Variants in RPS6KC1 observed in about 807,000 individuals in gnomAD.
RPS6KC1 encodes inactive ribosomal protein S6 kinase delta-1.
In RPS6KC1, 54 loss-of-function variants were observed where a neutral mutation model predicts 103.8. The ratio of observed to expected loss-of-function variants is 0.52; its 90% CI spans 0.42 to 0.65. The LOEUF is 0.65. RPS6KC1 is among the 30% of genes least tolerant of loss of function. The pLI is 0.00. For synonymous variants in RPS6KC1, 439 were observed against 438.7 expected (o/e 1.00, Z -0.01); for missense variants, 1,151 against 1,253.8 (o/e 0.92, Z 1.24).
At chr1:213,570,311 C>G in the RPS6KC1 span, among the ~76,000 whole-genome samples, 57 of 152,262 alleles carry the variant, frequency 3.7e-4, no homozygotes, top group East Asian at 8.7e-3. Context: ...ATGCCTGGCA[C>G]ACAGTAATCG....
the RPS6KC1 span, among the ~76,000 whole-genome samples, chr1:213,291,811 C>A: frequency 6.6e-6 from 1 of 152,190 alleles, no homozygotes; most frequent in Non-Finnish European, 1.5e-5. Flanking sequence ...GATTAGTAAC[C>A]CAGCTTCCTT....
At chr1:213,152,916 C>T (rs1259193743) in intron 6 of RPS6KC1, among the ~76,000 whole-genome samples, 2 of 152,310 alleles carry the variant, frequency 1.3e-5, no homozygotes, top group Admixed American at 6.5e-5. Flanking sequence ...TGTAGCGAGC[C>T]GAGATCACGC....
intron 6 of RPS6KC1, among the ~76,000 whole-genome samples, chr1:213,154,135 C>G (rs961140095): frequency 8.6e-6 from 1 of 115,782 alleles, no homozygotes; most frequent in African/African-American, 3.9e-5. Context: ...CTGTTCTAAG[C>G]CACCTAAAGC....
chr1:213,830,846 A>T, the RPS6KC1 span, among the ~76,000 whole-genome samples: 2 of 152,120 alleles, frequency 1.3e-5, no homozygotes, highest in South Asian at 2.1e-4. Context: ...GAGTAGGCCC[A>T]CATGTCTGCA....
At chr1:213,701,288 T>A in the RPS6KC1 span, among the ~76,000 whole-genome samples, 2 of 152,074 alleles carry the variant, frequency 1.3e-5, no homozygotes, top group Non-Finnish European at 2.9e-5. Flanking sequence ...CTCAAGTGTT[T>A]TTTCAGCATC....
chr1:213,219,796 G>A (rs754931168), intron 8 of RPS6KC1, among the ~76,000 whole-genome samples: 1 of 140,682 alleles, frequency 7.1e-6, no homozygotes, highest in South Asian at 2.3e-4. Flanking sequence ...TTCATAGGTC[G>A]AATTGAACAA....
chr1:213,611,991 A>T, the RPS6KC1 span, among the ~76,000 whole-genome samples: 3 of 152,230 alleles, frequency 2.0e-5, no homozygotes, highest in African/African-American at 7.2e-5. Flanking sequence ...TGGATAGACC[A>T]GGCCAGATAC....
At chr1:213,357,483 A>G in the RPS6KC1 span, among the ~76,000 whole-genome samples, 5 of 152,218 alleles carry the variant, frequency 3.3e-5, no homozygotes, top group Non-Finnish European at 7.3e-5. Context: ...AGAATCGGAA[A>G]GCATCTTAGC....
the RPS6KC1 span, among the ~76,000 whole-genome samples, chr1:213,781,983 A>T: frequency 6.6e-6 from 1 of 151,980 alleles, no homozygotes. Flanking sequence ...GTTGGAAAAA[A>T]CTCTATAGCT....
intron 14 of RPS6KC1, among the ~76,000 whole-genome samples, chr1:213,271,315 G>C (rs1234196941): frequency 6.6e-6 from 1 of 152,150 alleles, no homozygotes; most frequent in African/African-American, 2.4e-5. Flanking sequence ...AAAGAAGGCA[G>C]CGTCAAAAGA....
At chr1:213,454,147 T>TC in the RPS6KC1 span, among the ~76,000 whole-genome samples, 3 of 150,598 alleles carry the variant, frequency 2.0e-5, no homozygotes, top group African/African-American at 2.5e-5. Context: ...TTTGACCACA[T>TC]GGGGGGGGTC....
chr1:213,779,130 C>T, the RPS6KC1 span, among the ~76,000 whole-genome samples: 3 of 152,144 alleles, frequency 2.0e-5, no homozygotes, highest in African/African-American at 7.2e-5. Flanking sequence ...TCAATTGCTG[C>T]TGAAAAATAA....
chr1:213,670,568 C>G, the RPS6KC1 span, among the ~76,000 whole-genome samples: 3 of 152,218 alleles, frequency 2.0e-5, no homozygotes, highest in African/African-American at 7.2e-5. Flanking sequence ...AGCAAAGATT[C>G]CTCTTGCAAG....
chr1:213,483,469 A>G, the RPS6KC1 span, among the ~76,000 whole-genome samples: 9 of 152,250 alleles, frequency 5.9e-5, no homozygotes, highest in Non-Finnish European at 1.0e-4. Flanking sequence ...TGCTATGAAA[A>G]TTTATGTGCA....
At chr1:213,444,369 T>C in the RPS6KC1 span, among the ~76,000 whole-genome samples, 5 of 152,080 alleles carry the variant, frequency 3.3e-5, no homozygotes, top group Non-Finnish European at 7.4e-5. Flanking sequence ...CTCTTTGGGA[T>C]GTTCCTTCTC....
At chr1:213,157,215 AT>A (rs566969624) in intron 6 of RPS6KC1, among the ~76,000 whole-genome samples, 2,519 of 141,006 alleles carry the variant, frequency 0.018, 48 homozygotes, top group African/African-American at 0.056. Flanking sequence ...CCAATTTTTA[AT>A]TTTTTTTTTT....
At chr1:213,281,709 C>A in the RPS6KC1 span, among the ~76,000 whole-genome samples, 2 of 152,228 alleles carry the variant, frequency 1.3e-5, no homozygotes, top group African/African-American at 4.8e-5. Context: ...CGTAGCTTAT[C>A]TCCACTGTGG....
the RPS6KC1 span, among the ~76,000 whole-genome samples, chr1:213,779,259 A>C: frequency 1.3e-5 from 2 of 152,130 alleles, no homozygotes; most frequent in African/African-American, 4.8e-5. Flanking sequence ...ATAGCAACTG[A>C]ACACCTGGAG....
intron 8 of RPS6KC1, among the ~76,000 whole-genome samples, chr1:213,189,487 C>G (rs1422242607): frequency 6.7e-6 from 1 of 149,316 alleles, no homozygotes; most frequent in African/African-American, 2.5e-5. Context: ...TTGACATATC[C>G]TCACACTTCT....
Sources: allele counts gnomAD v4.1 joint callset (sites outside exome capture counted in the v4.1 genomes callset), GRCh38; gene constraint gnomAD v4.1.1; transcripts MANE v1.5; gene names NCBI Gene and HGNC (gene_info 2026-07-23, HGNC 2026-07-21).